DNAH5: variants seen among roughly 807,000 people sequenced by gnomAD.
DNAH5 encodes dynein axonemal heavy chain 5, also known as axonemal beta dynein heavy chain 5.
In DNAH5, 372 loss-of-function variants were observed where a neutral mutation model predicts 518.2. That is an observed-to-expected ratio of 0.72 (90% confidence interval 0.66 to 0.78). The LOEUF is 0.78. Among genes scored for constraint, DNAH5 ranks in the 30% least tolerant of loss-of-function variants. The pLI is 0.00. For synonymous variants in DNAH5, 2,039 were observed against 2,025.9 expected (o/e 1.01, Z -0.17); for missense variants, 5,523 against 5,687.0 (o/e 0.97, Z 0.93).
intron 1 of DNAH5, among the ~76,000 whole-genome samples, chr5:13,973,832 A>C (rs530419216): frequency 1.1e-4 from 16 of 152,208 alleles, no homozygotes; most frequent in Non-Finnish European, 1.9e-4. Flanking sequence ...AAGACTCTGC[A>C]AAATCCACAA....
intron 9 of DNAH5, among the ~76,000 whole-genome samples, chr5:13,916,130 T>C (rs1404693226): frequency 2.0e-5 from 3 of 151,646 alleles, no homozygotes; most frequent in East Asian, 1.9e-4. Context: ...TAATAAAATA[T>C]TTATTATAAT....
In DNAH5 at chr5:13,797,889, T is replaced by C. The variant is rs551965715; in HGVS notation, c.7888-3831A>G. 1.1e-4 allele frequency among the ~76,000 whole-genome samples: 16 copies of C among 152,176 alleles called. No homozygotes were observed. In the East Asian group the frequency reaches 2.9e-3, roughly 28 times the overall value. On this transcript the variant is annotated intron_variant, in intron 47 of 78. Coordinates refer to ENST00000265104, the MANE Select transcript of DNAH5 (RefSeq NM_001369.3). The stretch of plus-strand genomic sequence containing the variant: ...CTATGTAGCCATAAAAAAGGATGAG[T>C]TAATGTTCTTTGCAGGGACATGGAT...
chr5:13,831,426 C>T (rs1227817261), intron 35 of DNAH5, among the ~76,000 whole-genome samples: 2 of 152,186 alleles, frequency 1.3e-5, no homozygotes, highest in Admixed American at 1.3e-4. Flanking sequence ...ACTTGTTTGC[C>T]AGCACCACCT....
At position 13,754,350 on chromosome 5, in the gene DNAH5, C is replaced by T. The variant is rs192325309; in HGVS notation, c.10420-12G>A. ...TCTTCAAGCAAGGTCTAACAAAGGT[C>T]ATAATCACAAGAAAGCTTTTACTGA... On this transcript the variant is annotated splice_polypyrimidine_tract_variant and intron_variant, in intron 61 of 78. Transcript: ENST00000265104. 1.1e-4 allele frequency: 172 copies of T among 1,613,990 alleles called. No individual in the cohort carries two copies. The African/African-American group carries it at 2.1e-3, about 20-fold the overall frequency.
chr5:13,904,336 T>C (rs1004391696), intron 12 of DNAH5, among the ~76,000 whole-genome samples: 2 of 149,454 alleles, frequency 1.3e-5, no homozygotes, highest in Admixed American at 1.3e-4. Context: ...TATACATATA[T>C]GTTATATAGA....
rs1277087280 is a variant in DNAH5 at position 13,810,111 on chromosome 5, C to T, written c.7557G>A (p.Pro2519=). 3 of 1,551,000 alleles carry T rather than the reference C, an allele frequency of 1.9e-6. No homozygotes were observed. Among genetic ancestry groups the T allele is most frequent in the Admixed American group, 1.9e-5 (1 of 51,330 alleles). Residue 2519 remains proline (P), a synonymous_variant, in exon 45 of 79, where the codon CCG becomes CCA. Transcript: ENST00000265104. Reference sequence around the variant, plus strand: ...CGGTGTCCCCGGGCCCCGCTGGCGGCGGCAGCTCCAGCGTCCCTGTGGGCC... The same window carrying T: ...CGGTGTCCCCGGGCCCCGCTGGCGGTGGCAGCTCCAGCGTCCCTGTGGGCC... ...RSRPTGTLEL[P]PPAGPGDTAF...
chr5:13,985,467 A>ATATATATATATATATAT (rs1782990794), intron 1 of DNAH5, among the ~76,000 whole-genome samples: 7 of 134,456 alleles, frequency 5.2e-5, no homozygotes, highest in Non-Finnish European at 9.6e-5. Context: ...ATATATATAT[A>ATATATATATATATATAT]AAGCAAAGAT....
intron 1 of DNAH5, among the ~76,000 whole-genome samples, chr5:14,011,004 A>G (rs1268933516): frequency 6.6e-6 from 1 of 152,126 alleles, no homozygotes; most frequent in Non-Finnish European, 1.5e-5. Context: ...TTCACTTAAA[A>G]AAAAAAAAAG....
intron 42 of DNAH5, among the ~76,000 whole-genome samples, chr5:13,816,119 C>T (rs1761414488): frequency 6.6e-6 from 1 of 152,108 alleles, no homozygotes; most frequent in Admixed American, 6.6e-5. Context: ...AGGGCAGTAC[C>T]AGACTGAGAA....
intron 1 of DNAH5, among the ~76,000 whole-genome samples, chr5:14,007,278 G>A (rs1233358974): frequency 6.6e-6 from 1 of 152,200 alleles, no homozygotes; most frequent in African/African-American, 2.4e-5. Flanking sequence ...CTTTCATTGT[G>A]TAGCCAACAG....
At chr5:14,004,712 G>C (rs77433360) in intron 1 of DNAH5, among the ~76,000 whole-genome samples, 2,957 of 152,284 alleles carry the variant, frequency 0.019, 88 homozygotes, top group African/African-American at 0.068. Flanking sequence ...GCATAGCACA[G>C]AGCAGGCCTT....
intron 58 of DNAH5, among the ~76,000 whole-genome samples, chr5:13,766,684 G>A (rs557066055): frequency 2.1e-4 from 32 of 152,276 alleles, no homozygotes; most frequent in Admixed American, 1.7e-3. Context: ...TCTTAGCTAG[G>A]AACTGACCTT....
chr5:13,886,237 A>T, intron 17 of DNAH5, 108 bp from the exon 18 acceptor site: 1 of 1,141,882 alleles, frequency 8.8e-7, no homozygotes, highest in East Asian at 2.6e-5. Context: ...CCTCCAGGTG[A>T]GATTTCAGCC....
In DNAH5 at chr5:13,928,114, T is replaced by C. The variant is rs147441805; in HGVS notation, c.257A>G (p.Asp86Gly). Residue 86 changes from aspartate (D) to glycine (G), a missense_variant, in exon 3 of 79, where the codon GAT (aspartate) becomes GGT (glycine). Asp to Gly is a moderately conservative substitution (Grantham distance 94). Transcript: ENST00000265104. ...GATACCTGTTTCTGCTTCCTCCACA[T>C]CTTGATAGTAAAACATGAGGTGTCG... ...GLRHLMFYYQ[D>G]VEEAETGQLG... is the part of the protein sequence containing the mutation. 4 of 1,613,690 alleles carry C rather than the reference T, an allele frequency of 2.5e-6. No homozygotes were observed. The African/African-American group carries it at 4.0e-5, about 16-fold the overall frequency.
intron 74 of DNAH5, 151 bp from the exon 75 acceptor site, chr5:13,714,771 A>G (rs1744067401): frequency 1.2e-6 from 1 of 802,992 alleles, no homozygotes. Context: ...TTTCTCCAGA[A>G]AAGAATCAAA....
intron 45 of DNAH5, 38 bp downstream of exon 45, chr5:13,810,021 C>A (rs1561318449): frequency 1.3e-6 from 2 of 1,537,198 alleles, no homozygotes; most frequent in Admixed American, 2.0e-5. Context: ...GAAAGAACGG[C>A]CCCCATGGGT....
chr5:13,810,834 T>A (rs1451158973), intron 44 of DNAH5, among the ~76,000 whole-genome samples: 1 of 151,712 alleles, frequency 6.6e-6, no homozygotes, highest in Non-Finnish European at 1.5e-5. Context: ...ACAACCTAAG[T>A]GTCCATCAAC....
chr5:13,788,024 T>C (rs962210506), intron 51 of DNAH5, among the ~76,000 whole-genome samples: 1 of 152,198 alleles, frequency 6.6e-6, no homozygotes, highest in African/African-American at 2.4e-5. Flanking sequence ...TAACTAAGCC[T>C]AGTTACTTCT....
Position 13,765,848 on chromosome 5 carries a change from A to T in DNAH5, c.10101+128T>A, listed in dbSNP as rs528742980. The T allele has an allele frequency of 4.9e-5, 50 of 1,010,506 alleles. No individual in the cohort carries two copies. In the South Asian group the frequency reaches 6.3e-4, roughly 13 times the overall value. The allele number at this position is 1,010,506 out of a possible 1,614,324, so 62.6% of individuals were successfully genotyped here. A position where few individuals can be genotyped will look rare whatever the true frequency, so the allele number is the denominator to read the frequency against. On this transcript the variant is annotated intron_variant, in intron 59 of 78. Coordinates refer to ENST00000265104, the MANE Select transcript of DNAH5 (RefSeq NM_001369.3). ...GCTTATAATGTTTTATATTTGAGACAAAGTTTTACTCTGAAAAAATCATGT... is the reference window on the plus strand; with the variant it reads ...GCTTATAATGTTTTATATTTGAGACTAAGTTTTACTCTGAAAAAATCATGT...
Sources: gnomAD v4.1 joint callset for allele counts (sites outside exome capture counted in the v4.1 genomes callset) on GRCh38, gnomAD v4.1.1 for gene constraint, MANE v1.5 for transcripts, NCBI Gene and HGNC (gene_info 2026-07-23, HGNC 2026-07-21) for gene names.